SORBS2: variants seen among roughly 807,000 people sequenced by gnomAD.
The protein encoded by SORBS2 is sorbin and SH3 domain containing 2.
SORBS2 carries 46 observed loss-of-function variants against 97.7 expected under a neutral mutation model. The observed-to-expected ratio is 0.47, with a 90% confidence interval of 0.37 to 0.60. The LOEUF (loss-of-function observed/expected upper bound fraction) is 0.60. SORBS2 is among the 20% of genes least tolerant of loss of function. The pLI, the probability that SORBS2 is intolerant of heterozygous loss-of-function variation, is 0.00. For missense variants in SORBS2, 1,316 were observed against 1,282.3 expected (o/e 1.03, Z -0.40); for synonymous variants, 476 against 473.4 (o/e 1.01, Z -0.07).
chr4:185,736,138 G>T (rs1324564804), intron 2 of SORBS2, among the ~76,000 whole-genome samples: 1 of 152,166 alleles, frequency 6.6e-6, no homozygotes, highest in African/African-American at 2.4e-5. Flanking sequence ...AGGGACCCTT[G>T]TCATCATCCC....
intron 4 of SORBS2, among the ~76,000 whole-genome samples, chr4:185,663,161 A>G (rs1329065130): frequency 6.6e-6 from 1 of 152,248 alleles, no homozygotes; most frequent in African/African-American, 2.4e-5. Flanking sequence ...CATGCAAATA[A>G]GATCAAACAT....
chr4:185,880,605 A>T (rs982064961), intron 1 of SORBS2, among the ~76,000 whole-genome samples: 10 of 152,270 alleles, frequency 6.6e-5, no homozygotes, highest in African/African-American at 2.4e-4. Flanking sequence ...AAAATCTTCT[A>T]CAAAAGTAGC....
intron 6 of SORBS2, among the ~76,000 whole-genome samples, chr4:185,625,391 TA>T (rs2096793675): frequency 6.6e-6 from 1 of 151,484 alleles, no homozygotes; most frequent in African/African-American, 2.5e-5. Context: ...AAATTATATC[TA>T]ATAGGACATT....
intron 1 of SORBS2, among the ~76,000 whole-genome samples, chr4:185,879,528 T>C (rs984029758): frequency 5.3e-5 from 8 of 152,208 alleles, no homozygotes; most frequent in African/African-American, 1.7e-4. Flanking sequence ...CCTTTGAGTA[T>C]ATACCCAGTA....
intron 1 of SORBS2, among the ~76,000 whole-genome samples, chr4:185,880,883 G>C (rs758338605): frequency 2.0e-5 from 3 of 152,188 alleles, no homozygotes; most frequent in Non-Finnish European, 4.4e-5. Context: ...AGTATTGTCT[G>C]TGGTAGGCAT....
intron 1 of SORBS2, among the ~76,000 whole-genome samples, chr4:185,855,231 G>A (rs547755186): frequency 1.3e-5 from 2 of 152,096 alleles, no homozygotes; most frequent in Non-Finnish European, 2.9e-5. Context: ...CCCTCTGAAG[G>A]CGTCAGGTTT....
At chr4:185,733,178 C>A (rs925498786) in intron 2 of SORBS2, among the ~76,000 whole-genome samples, 1 of 152,244 alleles carries the variant, frequency 6.6e-6, no homozygotes, top group Admixed American at 6.5e-5. Context: ...TCAAACAGAG[C>A]CTCTAGGTGT....
upstream of SORBS2, chr4:185,657,588 C>T (rs2097429072): frequency 1.3e-6 from 2 of 1,588,434 alleles, no homozygotes; most frequent in Non-Finnish European, 1.7e-6. Flanking sequence ...GGATATGTGT[C>T]TGTGGAATCT....
chr4:185,827,883 C>T (rs2099202594), intron 1 of SORBS2, among the ~76,000 whole-genome samples: 1 of 148,798 alleles, frequency 6.7e-6, no homozygotes, highest in African/African-American at 2.5e-5. Flanking sequence ...TCGTCACCAT[C>T]ATCAGCGTCA....
chr4:185,667,551 G>T (rs1377736697), intron 4 of SORBS2, among the ~76,000 whole-genome samples: 1 of 151,804 alleles, frequency 6.6e-6, no homozygotes, highest in African/African-American at 2.4e-5. Flanking sequence ...ACTTCAGGGG[G>T]ACAGAGACAC....
intron 1 of SORBS2, among the ~76,000 whole-genome samples, chr4:185,786,005 A>G (rs1336552278): frequency 6.6e-6 from 1 of 152,198 alleles, no homozygotes; most frequent in Non-Finnish European, 1.5e-5. Context: ...ACGGAAAAAA[A>G]TTATTTGCAA....
At chr4:185,875,662 C>G (rs1185742504) in intron 1 of SORBS2, among the ~76,000 whole-genome samples, 1 of 152,274 alleles carries the variant, frequency 6.6e-6, no homozygotes, top group Non-Finnish European at 1.5e-5. Context: ...CCTCCTGGCC[C>G]TGGCTTGCAG....
chr4:185,775,494 G>C (rs1228288166), intron 1 of SORBS2, 128 bp from the exon 2 acceptor site: 1 of 152,174 alleles, frequency 6.6e-6, no homozygotes, highest in Non-Finnish European at 1.5e-5. Context: ...TGTCTGCAAA[G>C]GGATGAAAAT....
intron 1 of SORBS2, among the ~76,000 whole-genome samples, chr4:185,838,422 G>A (rs761133361): frequency 1.3e-5 from 2 of 152,200 alleles, no homozygotes; most frequent in Admixed American, 6.5e-5. Flanking sequence ...TCACGGATGC[G>A]CTGGTTGCCC....
chr4:185,653,785 C>T (rs2097351687), intron 1 of SORBS2, among the ~76,000 whole-genome samples: 1 of 152,190 alleles, frequency 6.6e-6, no homozygotes, highest in South Asian at 2.1e-4. Flanking sequence ...TAATCGTACT[C>T]ACAGATTTTG....
chr4:185,851,668 C>G (rs1430955910), intron 1 of SORBS2, among the ~76,000 whole-genome samples: 1 of 152,114 alleles, frequency 6.6e-6, no homozygotes. Flanking sequence ...CAGACCCACC[C>G]TTAATCTGGG....
At chr4:185,676,941 TA>T (rs1177877471) in intron 4 of SORBS2, 2 of 1,426,592 alleles carry the variant, frequency 1.4e-6, no homozygotes, top group Non-Finnish European at 1.9e-6. Context: ...CCAAAGGAGT[TA>T]GGGTCTCTAC....
chr4:185,648,837 G>C (rs370479653), intron 3 of SORBS2, among the ~76,000 whole-genome samples: 6 of 152,128 alleles, frequency 3.9e-5, no homozygotes, highest in African/African-American at 1.4e-4. Context: ...CACAGAAAAA[G>C]CACTTAGCCT....
At chr4:185,870,743 G>A (rs552788491) in intron 1 of SORBS2, among the ~76,000 whole-genome samples, 5 of 152,348 alleles carry the variant, frequency 3.3e-5, no homozygotes, top group African/African-American at 1.2e-4. Flanking sequence ...CACCTTTGGT[G>A]AGGTGATGTG....
Sources: gnomAD v4.1 joint callset for allele counts (sites outside exome capture counted in the v4.1 genomes callset) on GRCh38, gnomAD v4.1.1 for gene constraint, MANE v1.5 for transcripts, NCBI Gene and HGNC (gene_info 2026-07-23, HGNC 2026-07-21) for gene names.